The following SMARCA2 variants were observed in gnomAD, a reference collection of about 807,000 sequenced individuals.
SMARCA2 encodes SWI/SNF related BAF chromatin remodeling complex subunit ATPase 2, also known as SWI/SNF-related matrix-associated actin-dependent regulator of chromatin subfamily A member 2.
In SMARCA2, 61 loss-of-function variants were observed where a neutral mutation model predicts 199.8. The ratio of observed to expected loss-of-function variants is 0.31; its 90% CI spans 0.25 to 0.38. The LOEUF is 0.38. Ranked by LOEUF, SMARCA2 falls within the 10% of genes least tolerant of loss-of-function variation. The pLI is 1.00. For missense variants in SMARCA2, 1,344 were observed against 2,012.2 expected (o/e 0.67, Z 6.35); for synonymous variants, 935 against 732.0 (o/e 1.28, Z -4.48).
At chr9:2,077,380 A>C (rs1821374692) in intron 13 of SMARCA2, among the ~76,000 whole-genome samples, 1 of 152,180 alleles carries the variant, frequency 6.6e-6, no homozygotes, top group Non-Finnish European at 1.5e-5. Context: ...GATCCAAACA[A>C]ATGAAGTAAC....
rs1362758592 is a variant in SMARCA2, at chr9:2,119,912, C to T, written c.3762+377C>T. On this transcript the variant is annotated intron_variant, in intron 26 of 33. Coordinates refer to ENST00000349721, the MANE Select transcript of SMARCA2 (RefSeq NM_003070.5). This position sits in a 1 kb window ranked among gnomAD's most constrained non-coding sequence, Gnocchi z 4.6. ...CTTACCATAGACGCCCTCCTGTTCC[C>T]AGTTCGTTTCTAATCCCAGGCCAGT... Among the ~76,000 whole-genome samples the T allele has an allele frequency of 1.3e-5, 2 of 152,184 alleles. No homozygotes were observed. The highest frequency in any genetic ancestry group is 2.9e-5 in the Non-Finnish European group (2 of 68,038).
chr9:2,084,473 A>G (rs760977054), intron 17 of SMARCA2, among the ~76,000 whole-genome samples: 11 of 151,206 alleles, frequency 7.3e-5, no homozygotes, highest in African/African-American at 1.5e-4. Context: ...ATGAGTTTAC[A>G]TCTCTTAAAA....
intron 20 of SMARCA2, 85 bp downstream of exon 20, chr9:2,096,849 C>T (rs1279637959): frequency 1.2e-6 from 1 of 826,402 alleles, no homozygotes; most frequent in East Asian, 2.4e-5. Context: ...GGAAGCATCC[C>T]TGCTAATGCT....
At chr9:2,137,636 T>G (rs928094869) in intron 27 of SMARCA2, among the ~76,000 whole-genome samples, 10 of 152,246 alleles carry the variant, frequency 6.6e-5, no homozygotes, top group Admixed American at 5.9e-4. Context: ...TCATGGCATT[T>G]GCCACTATCT....
rs555153686 is a variant in SMARCA2 at position 2,028,860 on chromosome 9, A to G, written c.-36-127A>G. ...ATATCACACTCACTCAAACATCTGGACTAGACAGGGCAGCTCTGTTTGATG... is the reference window on the plus strand; with the variant it reads ...ATATCACACTCACTCAAACATCTGGGCTAGACAGGGCAGCTCTGTTTGATG... On this transcript the variant is annotated intron_variant, in intron 1 of 33. Transcript: ENST00000349721. 5.4e-5 allele frequency: 40 copies of G among 742,602 alleles called. No homozygotes were observed. In the South Asian group the frequency reaches 7.0e-4, roughly 13 times the overall value. 46.0% of individuals were successfully genotyped at this position (742,602 alleles called of 1,614,324 possible).
intron 6 of SMARCA2, chr9:2,055,712 G>C (rs1313725409): frequency 1.3e-5 from 2 of 152,178 alleles, no homozygotes; most frequent in Admixed American, 1.3e-4. Flanking sequence ...TGGTTTGTGA[G>C]AGTAGATTTC....
At chr9:2,117,239 A>T (rs1316569478) in intron 25 of SMARCA2, among the ~76,000 whole-genome samples, 1 of 152,192 alleles carries the variant, frequency 6.6e-6, no homozygotes, top group African/African-American at 2.4e-5. Flanking sequence ...CTTGATATTT[A>T]AAGGTATCCT....
At chr9:2,075,926 G>C (rs770689001) in intron 12 of SMARCA2, among the ~76,000 whole-genome samples, 22 of 152,204 alleles carry the variant, frequency 1.4e-4, no homozygotes, top group Non-Finnish European at 2.9e-4. Context: ...ACAGGACTCT[G>C]ATAACCAAAT....
At chr9:2,106,766 A>C (rs956229541) in intron 23 of SMARCA2, among the ~76,000 whole-genome samples, 1 of 152,232 alleles carries the variant, frequency 6.6e-6, no homozygotes, top group African/African-American at 2.4e-5. Flanking sequence ...TACTCCATAT[A>C]GTTTTTGTTT....
chr9:2,192,577 A>G (rs945376237), intron 33 of SMARCA2, 127 bp from the exon 34 acceptor site: 18 of 755,314 alleles, frequency 2.4e-5, no homozygotes, highest in Middle Eastern at 3.3e-4. Context: ...CCTCCCACGG[A>G]AAGAGATTTG....
chr9:2,150,948 T>C (rs1213299005), intron 27 of SMARCA2, among the ~76,000 whole-genome samples: 1 of 151,584 alleles, frequency 6.6e-6, no homozygotes, highest in African/African-American at 2.4e-5. Flanking sequence ...CCATTTTAAC[T>C]CTTTAAAAGC....
In SMARCA2 at chr9:2,169,432, C is replaced by T. The variant is rs768275412; in HGVS notation, c.4200-987C>T. ...GATCTTCCCAACTTTTTTTTTCCAA[C>T]GCACCCCTCCCAGCTCTCCTTATAT... On this transcript the variant is annotated intron_variant, in intron 28 of 33. Coordinates refer to ENST00000349721, the MANE Select transcript of SMARCA2 (RefSeq NM_003070.5). The surrounding 1 kb of genome is among the most constrained non-coding windows in gnomAD (Gnocchi z 6.5). Among the ~76,000 whole-genome samples the T allele has an allele frequency of 3.2e-4, 48 of 152,026 alleles. No individual in the cohort carries two copies. The highest frequency in any genetic ancestry group is 8.5e-4 in the African/African-American group (35 of 41,384).
intron 3 of SMARCA2, among the ~76,000 whole-genome samples, chr9:2,037,090 C>T (rs1477081988): frequency 2.0e-5 from 3 of 152,116 alleles, no homozygotes; most frequent in African/African-American, 7.2e-5. Context: ...GATTTTTCCT[C>T]TTATGGTAGA....
At chr9:2,129,727 C>G (rs1169232739) in intron 27 of SMARCA2, among the ~76,000 whole-genome samples, 1 of 152,158 alleles carries the variant, frequency 6.6e-6, no homozygotes, top group Non-Finnish European at 1.5e-5. Context: ...TTTCTGGTGA[C>G]CAGTGCCCAC....
chr9:2,127,905 T>G (rs577224134), intron 27 of SMARCA2, among the ~76,000 whole-genome samples: 1 of 152,360 alleles, frequency 6.6e-6, no homozygotes, highest in East Asian at 1.9e-4. Context: ...TTTAGAATTT[T>G]TTTCTGCATT....
intron 27 of SMARCA2, among the ~76,000 whole-genome samples, chr9:2,125,932 T>C (rs1195667807): frequency 6.6e-6 from 1 of 152,240 alleles, no homozygotes. Context: ...AAAAACAACA[T>C]TATGAATCTC....
intron 4 of SMARCA2, chr9:2,044,073 A>G (rs1269504197): frequency 6.6e-6 from 1 of 152,276 alleles, no homozygotes; most frequent in Non-Finnish European, 1.5e-5. Context: ...GTCGATAGAG[A>G]GCAAAGCCAG....
intron 7 of SMARCA2, among the ~76,000 whole-genome samples, chr9:2,057,256 TCTC>T (rs1214094872): frequency 3.9e-5 from 6 of 152,148 alleles, no homozygotes; most frequent in East Asian, 1.9e-4. Flanking sequence ...ACTGTTAACT[TCTC>T]CTTGTTTTCT....
intron 32 of SMARCA2, 24 bp from the exon 33 acceptor site, chr9:2,191,242 C>T: frequency 6.2e-7 from 1 of 1,611,502 alleles, no homozygotes; most frequent in Non-Finnish European, 8.5e-7. Flanking sequence ...TCACTGGTGT[C>T]TATTTCATTT....
Sources: allele counts gnomAD v4.1 joint callset (sites outside exome capture counted in the v4.1 genomes callset), GRCh38; gene constraint gnomAD v4.1.1; non-coding constraint Gnocchi (gnomAD v3.1); transcripts MANE v1.5; gene names NCBI Gene and HGNC (gene_info 2026-07-23, HGNC 2026-07-21).